USP10: variants seen among roughly 807,000 people sequenced by gnomAD.
USP10 encodes ubiquitin carboxyl-terminal hydrolase 10.
A neutral mutation model predicts 84.5 loss-of-function variants in USP10; 22 were observed. That is an observed-to-expected ratio of 0.26 (90% CI 0.19 to 0.37). USP10 has a LOEUF of 0.37. Ranked by LOEUF, USP10 falls within the 10% of genes least tolerant of loss-of-function variation. The pLI is 1.00. For synonymous variants in USP10, 454 were observed against 387.6 expected (o/e 1.17, Z -2.01); for missense variants, 1,019 against 998.9 (o/e 1.02, Z -0.27).
chr16:84,772,435 C>A, intron 11 of USP10, 106 bp from the exon 12 acceptor site: 1 of 1,516,902 alleles, frequency 6.6e-7, no homozygotes, highest in Non-Finnish European at 9.0e-7. Flanking sequence ...CCACAGGACT[C>A]TTGGGCCTCA....
chr16:84,700,605 A>G (rs1442337268), intron 1 of USP10, among the ~76,000 whole-genome samples: 3 of 152,158 alleles, frequency 2.0e-5, no homozygotes, highest in African/African-American at 4.8e-5. Flanking sequence ...TCTCAGCTTG[A>G]TTGATGATGC....
At chr16:84,773,207 C>G (rs141861546) in intron 12 of USP10, among the ~76,000 whole-genome samples, 221 of 152,310 alleles carry the variant, frequency 1.5e-3, no homozygotes, top group African/African-American at 5.1e-3. Flanking sequence ...TTAAAGGCAT[C>G]TTGCTAAAAG....
At chr16:84,776,071 T>C (rs954003528) in intron 13 of USP10, among the ~76,000 whole-genome samples, 2 of 152,232 alleles carry the variant, frequency 1.3e-5, no homozygotes, top group Non-Finnish European at 2.9e-5. Context: ...CACACATGTA[T>C]TGAACCTCTT....
rs1427346571 is a variant in USP10 at position 84,772,606 on chromosome 16, A to T, written c.2064A>T (p.Arg688=). ...CTGTCCTCGTGCTGCACCTGAAACG[A>T]TTCGTTTATGAGAAGACTGGTGGGT... is the stretch of plus-strand genomic sequence containing the variant. ...LPPVLVLHLK[R]FVYEKTGGCQ... Residue 688 remains arginine (R), a synonymous_variant, in exon 12 of 14, where the codon CGA becomes CGT. Transcript: ENST00000219473. The T allele has an allele frequency of 6.2e-7, 1 of 1,613,990 alleles. No homozygotes were observed. Among genetic ancestry groups the T allele is most frequent in the African/African-American group, 1.3e-5 (1 of 75,028 alleles).
rs78233420 is a variant in USP10, at chr16:84,738,629, G to A, written c.91-1680G>A. On this transcript the variant is annotated intron_variant, in intron 2 of 13. Coordinates refer to ENST00000219473, the MANE Select transcript of USP10 (RefSeq NM_005153.3). Reference sequence around the variant, plus strand: ...TCAGCATACAGAATGCTTTCTTCTGGGTGTCAACGTGATGCGTACTAGGTT... The same window carrying A: ...TCAGCATACAGAATGCTTTCTTCTGAGTGTCAACGTGATGCGTACTAGGTT... 3.7e-3 allele frequency among the ~76,000 whole-genome samples: 556 copies of A among 152,218 alleles called. 3 individuals carry two copies. The highest frequency in any genetic ancestry group is 0.013 in the African/African-American group (535 of 41,510).
chr16:84,721,236 C>A (rs370154468), intron 1 of USP10, among the ~76,000 whole-genome samples: 5 of 152,072 alleles, frequency 3.3e-5, no homozygotes, highest in African/African-American at 1.2e-4. Flanking sequence ...ACTGGGAGGT[C>A]TTTGGACCAA....
chr16:84,702,386 G>C (rs1904999792), intron 1 of USP10, among the ~76,000 whole-genome samples: 1 of 152,016 alleles, frequency 6.6e-6, no homozygotes. Flanking sequence ...CATTTTAAAA[G>C]AATAGTAATG....
intron 4 of USP10, among the ~76,000 whole-genome samples, chr16:84,753,524 C>T (rs1912176601): frequency 6.6e-6 from 1 of 152,186 alleles, no homozygotes; most frequent in South Asian, 2.1e-4. Context: ...TTTGCTATAG[C>T]TGAGCGTGGT....
Position 84,745,470 on chromosome 16 carries a change from C to T in USP10, c.989C>T (p.Ala330Val). The change falls in exon 4 of 14, where the codon GCA becomes GTA. Residue 330 changes from alanine to valine, a missense_variant. Ala to Val is a moderately conservative substitution (Grantham distance 64). Around this residue, in one of 2 missense-constraint regions of USP10, gnomAD observed 787 missense variants for 708.8 expected, o/e 1.11. Transcript: ENST00000219473. ...ASPPADGTGS[A>V]SGTLPVSQPK... is the part of the protein sequence containing the mutation. ...CCTCCTGCTGACGGCACGGGCTCTG[C>T]ATCAGGCACCCTTCCTGTCAGCCAG... 1.9e-6 allele frequency: 3 copies of T among 1,613,508 alleles called. No homozygotes were observed. Among genetic ancestry groups the T allele is most frequent in the Non-Finnish European group, 2.5e-6 (3 of 1,179,622 alleles).
rs777109418 is a variant in USP10 at position 84,745,158 on chromosome 16, G to T, written c.677G>T (p.Ser226Ile). ...TDSVSDIVPD[S>I]PFPGALGSDT... ...TCTGTCAGTGACATTGTGCCTGACA[G>T]TCCTTTCCCCGGAGCACTCGGCAGT... Residue 226 changes from serine (S) to isoleucine (I), a missense_variant, in exon 4 of 14, where the codon AGT (serine) becomes ATT (isoleucine). Around this residue, in one of 2 missense-constraint regions of USP10, gnomAD observed 787 missense variants for 708.8 expected, o/e 1.11. Coordinates refer to ENST00000219473, the MANE Select transcript of USP10 (RefSeq NM_005153.3). The T allele has an allele frequency of 5.0e-6, 8 of 1,613,358 alleles. No homozygotes were observed. The highest frequency in any genetic ancestry group is 1.3e-5 in the African/African-American group (1 of 74,908).
At chr16:84,759,762 G>C (rs1461640041) in intron 6 of USP10, 129 bp from the exon 7 acceptor site, 12 of 958,794 alleles carry the variant, frequency 1.3e-5, no homozygotes, top group East Asian at 1.0e-4. Flanking sequence ...TTCACTAGCT[G>C]TTACAGCATT....
Position 84,760,267 on chromosome 16 carries a change from T to A in USP10, c.1546T>A (p.Ser516Thr). The A allele has an allele frequency of 6.2e-7, 1 of 1,603,824 alleles. No individual in the cohort carries two copies. The highest frequency in any genetic ancestry group is 8.5e-7 in the Non-Finnish European group (1 of 1,174,574). Residue 516 changes from serine (S) to threonine (T), a missense_variant, in exon 8 of 14, where the codon TCT becomes ACT. Physicochemically the swap from Ser to Thr is moderately conservative, Grantham distance 58. Coordinates refer to ENST00000219473, the MANE Select transcript of USP10 (RefSeq NM_005153.3). ...RLLTVNKSSLSEKGRQEDAEE... is the reference protein window; with the variant it reads ...RLLTVNKSSLTEKGRQEDAEE... ...CCTGACAGTTAACAAGTCAAGCCTG[T>A]CTGAAAAGGTTTGAGACTTCTCTGT...
At chr16:84,771,232 T>C (rs1463626498) in intron 11 of USP10, among the ~76,000 whole-genome samples, 1 of 152,184 alleles carries the variant, frequency 6.6e-6, no homozygotes, top group African/African-American at 2.4e-5. Flanking sequence ...ACAGATTACA[T>C]TGATAAAACT....
chr16:84,768,541 C>G (rs1430524297), intron 11 of USP10, among the ~76,000 whole-genome samples, 183 bp downstream of exon 11: 1 of 152,150 alleles, frequency 6.6e-6, no homozygotes, highest in Non-Finnish European at 1.5e-5. Flanking sequence ...TCCCAAGGGC[C>G]TCTTTTAGCT....
chr16:84,762,718 A>G, intron 8 of USP10, among the ~76,000 whole-genome samples: 1 of 152,224 alleles, frequency 6.6e-6, no homozygotes, highest in South Asian at 2.1e-4. Flanking sequence ...TATTTATTGA[A>G]GAAAATTTCA....
intron 3 of USP10, among the ~76,000 whole-genome samples, chr16:84,742,071 T>A (rs985577238): frequency 5.3e-5 from 8 of 152,328 alleles, no homozygotes; most frequent in Non-Finnish European, 7.3e-5. Flanking sequence ...TTGTGTTTTT[T>A]AATTTTTTTA....
At chr16:84,728,845 C>T (rs1908852729) in intron 1 of USP10, among the ~76,000 whole-genome samples, 1 of 152,096 alleles carries the variant, frequency 6.6e-6, no homozygotes, top group Admixed American at 6.6e-5. Flanking sequence ...GTCATTCAGG[C>T]TGGAGTGTAG....
chr16:84,745,803 CTA>C (rs1445315768), intron 4 of USP10, 130 bp downstream of exon 4: 1 of 960,038 alleles, frequency 1.0e-6, no homozygotes, highest in Non-Finnish European at 1.5e-6. Flanking sequence ...TGAAGGATGC[CTA>C]TGTCTTAAAT....
rs551571453 is a variant in USP10 at position 84,740,194 on chromosome 16, G to T, written c.91-115G>T. 1.2e-5 allele frequency: 10 copies of T among 832,048 alleles called. No homozygotes were observed. The South Asian group carries it at 1.6e-4, about 14-fold the overall frequency. The allele number at this position is 832,048 out of a possible 1,614,324, so 51.5% of individuals were successfully genotyped here. On this transcript the variant is annotated intron_variant, in intron 2 of 13. Coordinates refer to ENST00000219473, the MANE Select transcript of USP10 (RefSeq NM_005153.3). ...TGTATGTTATTCTGCTAGAAGTAAC[G>T]GCATGCAAAGTTGTATGGATTAAGA... is the stretch of plus-strand genomic sequence containing the variant.
Sources: allele counts gnomAD v4.1 joint callset (sites outside exome capture counted in the v4.1 genomes callset), GRCh38; gene constraint gnomAD v4.1.1; regional missense constraint gnomAD v4.1.1; transcripts MANE v1.5; gene names NCBI Gene and HGNC (gene_info 2026-07-23, HGNC 2026-07-21).